KCND2: variants seen among roughly 807,000 people sequenced by gnomAD.
The protein encoded by KCND2 is A-type voltage-gated potassium channel KCND2.
A neutral mutation model predicts 54.4 loss-of-function variants in KCND2; 16 were observed. The ratio of observed to expected loss-of-function variants is 0.29; its 90% CI spans 0.20 to 0.45. The LOEUF is 0.45. Among genes scored for constraint, KCND2 ranks in the 20% least tolerant of loss-of-function variants. The pLI, the probability that KCND2 is intolerant of heterozygous loss-of-function variation, is 1.00. For synonymous variants in KCND2, 317 were observed against 310.7 expected, an observed-to-expected ratio of 1.02 and a Z score of -0.21; for missense variants, 486 against 824.2, an observed-to-expected ratio of 0.59 and a Z score of 5.02.
At chr7:120,455,773 A>G (rs982781547) in intron 1 of KCND2, among the ~76,000 whole-genome samples, 1 of 152,160 alleles carries the variant, frequency 6.6e-6, no homozygotes, top group South Asian at 2.1e-4. Context: ...TAATAGTAGG[A>G]GCTAAAGACT....
chr7:120,395,446 T>C (rs1257467387), intron 1 of KCND2, among the ~76,000 whole-genome samples: 1 of 152,050 alleles, frequency 6.6e-6, no homozygotes, highest in Non-Finnish European at 1.5e-5. Context: ...CTTCTCTTAC[T>C]ACAGTCACTC....
intron 1 of KCND2, among the ~76,000 whole-genome samples, chr7:120,468,218 G>A (rs544405962): frequency 9.2e-5 from 14 of 152,002 alleles, no homozygotes; most frequent in South Asian, 8.3e-4. Context: ...TTGTTTTCCC[G>A]TTTAAATCCC....
chr7:120,275,516 TC>T lies in KCND2; in HGVS notation c.886del (p.Arg296GlyfsTer22). ...GGAGCCTTTGTCACACTCCGAGTCT[TC>T]CGGGTCTTCAGGATCTTTAAGTTTT... ...VSGAFVTLRV[F>X]RVFRIFKFSR... On this transcript the variant is annotated frameshift_variant, in exon 1 of 6. Transcript: ENST00000331113. LOFTEE classifies it high-confidence loss of function. 6.2e-7 allele frequency: 1 copy of T among 1,612,020 alleles called. No homozygotes were observed. The highest frequency in any genetic ancestry group is 8.5e-7 in the Non-Finnish European group (1 of 1,178,768).
chr7:120,741,716 C>A (rs887575455), intron 3 of KCND2, 87 bp downstream of exon 3: 19 of 920,992 alleles, frequency 2.1e-5, no homozygotes, highest in Non-Finnish European at 2.8e-5. Flanking sequence ...TTTATTATGG[C>A]TAATTATGAC....
chr7:120,546,664 A>T (rs1273779120), intron 1 of KCND2, among the ~76,000 whole-genome samples: 1 of 151,960 alleles, frequency 6.6e-6, no homozygotes, highest in Non-Finnish European at 1.5e-5. Context: ...CTCACACAAG[A>T]TCTAAGGCCT....
intron 1 of KCND2, among the ~76,000 whole-genome samples, chr7:120,280,123 A>T (rs1799240176): frequency 1.3e-5 from 2 of 152,058 alleles, no homozygotes; most frequent in South Asian, 4.1e-4. Flanking sequence ...TATGAGTAAC[A>T]TCTATTTTTA....
At chr7:120,524,571 T>G (rs568011060) in intron 1 of KCND2, among the ~76,000 whole-genome samples, 59 of 152,340 alleles carry the variant, frequency 3.9e-4, no homozygotes, top group Non-Finnish European at 6.3e-4. Context: ...AGAGTCATCT[T>G]AATTCACAAT....
chr7:120,715,259 C>T (rs368679721), intron 1 of KCND2, among the ~76,000 whole-genome samples: 16 of 150,762 alleles, frequency 1.1e-4, no homozygotes, highest in Non-Finnish European at 5.9e-5. Context: ...AGATTAATTC[C>T]GAAAAAAAAA....
chr7:120,677,718 A>G (rs1792084560), intron 1 of KCND2, among the ~76,000 whole-genome samples: 1 of 151,962 alleles, frequency 6.6e-6, no homozygotes, highest in Admixed American at 6.6e-5. Context: ...AGTCTTTGAG[A>G]CTTCGCCTCT....
At chr7:120,372,758 C>T (rs1035658590) in intron 1 of KCND2, among the ~76,000 whole-genome samples, 2 of 151,760 alleles carry the variant, frequency 1.3e-5, no homozygotes, top group Non-Finnish European at 2.9e-5. Flanking sequence ...TAACTATGAA[C>T]TTCTTTCTTA....
At chr7:120,631,702 T>C (rs1004412460) in intron 1 of KCND2, among the ~76,000 whole-genome samples, 9 of 152,162 alleles carry the variant, frequency 5.9e-5, no homozygotes, top group African/African-American at 1.4e-4. Flanking sequence ...TATCTGTAAA[T>C]AGAAAATGTG....
intron 1 of KCND2, among the ~76,000 whole-genome samples, chr7:120,279,105 T>TTGTA (rs1397176419): frequency 1.3e-5 from 2 of 151,950 alleles, no homozygotes; most frequent in African/African-American, 4.8e-5. Flanking sequence ...TTCATTTAGA[T>TTGTA]TGTAGTACTC....
intron 1 of KCND2, among the ~76,000 whole-genome samples, chr7:120,722,498 C>T (rs1271509909): frequency 1.3e-5 from 2 of 152,180 alleles, no homozygotes; most frequent in African/African-American, 4.8e-5. Context: ...TCTTAGCTCC[C>T]AGGCACTTAG....
At chr7:120,438,899 C>T (rs1162554588) in intron 1 of KCND2, among the ~76,000 whole-genome samples, 1 of 151,970 alleles carries the variant, frequency 6.6e-6, no homozygotes, top group Non-Finnish European at 1.5e-5. Flanking sequence ...CAAATTTTCC[C>T]ATAACATTCA....
intron 1 of KCND2, among the ~76,000 whole-genome samples, chr7:120,569,664 TAGTA>T (rs1233526100): frequency 6.6e-6 from 1 of 152,226 alleles, no homozygotes; most frequent in South Asian, 2.1e-4. Flanking sequence ...TTTTCCAACC[TAGTA>T]AGTGTTACTT....
rs547957946 is a variant in KCND2, at chr7:120,278,524, G to A, written c.1115+2777G>A. ...ATTGAAAGTTCCATCTCGTATGAAC[G>A]TTATCTACATGAGAATAAATAACCA... On this transcript the variant is annotated intron_variant, in intron 1 of 5. Transcript: ENST00000331113. 8.6e-5 allele frequency among the ~76,000 whole-genome samples: 13 copies of A among 150,544 alleles called. No homozygotes were observed. The South Asian group carries it at 2.3e-3, about 27-fold the overall frequency.
intron 1 of KCND2, among the ~76,000 whole-genome samples, chr7:120,279,123 G>C (rs1043346670): frequency 1.3e-5 from 2 of 151,818 alleles, no homozygotes; most frequent in Non-Finnish European, 2.9e-5. Flanking sequence ...CTCAAATCTT[G>C]CTAAACTTAG....
At chr7:120,464,037 C>A (rs1299278895) in intron 1 of KCND2, 4 of 961,290 alleles carry the variant, frequency 4.2e-6, no homozygotes, top group Non-Finnish European at 4.9e-6. Flanking sequence ...TTTTTTCTTG[C>A]AGTTGAGCCT....
chr7:120,346,936 G>A (rs1445476161), intron 1 of KCND2, among the ~76,000 whole-genome samples: 1 of 152,214 alleles, frequency 6.6e-6, no homozygotes, highest in Non-Finnish European at 1.5e-5. Flanking sequence ...GAGGATGTGA[G>A]AGGTTACTTC....
Sources: gnomAD v4.1 joint callset for allele counts (sites outside exome capture counted in the v4.1 genomes callset) on GRCh38, gnomAD v4.1.1 for gene constraint, MANE v1.5 for transcripts, NCBI Gene and HGNC (gene_info 2026-07-23, HGNC 2026-07-21) for gene names.